CNTN5: variants seen among roughly 807,000 people sequenced by gnomAD.
CNTN5 encodes the protein contactin-5.
A neutral mutation model predicts 129.1 loss-of-function variants in CNTN5; 77 were observed. The observed-to-expected ratio is 0.60, with a 90% CI of 0.50 to 0.72. CNTN5 has a LOEUF of 0.72. Ranked by LOEUF, CNTN5 falls within the 30% of genes least tolerant of loss-of-function variation. The pLI, the probability that CNTN5 is intolerant of heterozygous loss-of-function variation, is 0.00. For missense variants in CNTN5, 1,478 were observed against 1,328.8 expected (o/e 1.11, Z -1.75); for synonymous variants, 509 against 465.6 (o/e 1.09, Z -1.20).
At chr11:99,355,745 TAGAC>T (rs1283951965) in intron 2 of CNTN5, among the ~76,000 whole-genome samples, 1 of 152,086 alleles carries the variant, frequency 6.6e-6, no homozygotes, top group Admixed American at 6.6e-5. Flanking sequence ...AAGTCCTTTT[TAGAC>T]AGCCTATAAT....
intron 1 of CNTN5, among the ~76,000 whole-genome samples, chr11:99,222,423 A>T (rs1346218578): frequency 6.6e-6 from 1 of 151,912 alleles, no homozygotes; most frequent in Admixed American, 6.6e-5. Context: ...AGTGTCAAAA[A>T]ACTCACTAAA....
At chr11:99,688,239 G>T (rs570334346) in intron 3 of CNTN5, among the ~76,000 whole-genome samples, 1 of 152,254 alleles carries the variant, frequency 6.6e-6, no homozygotes, top group African/African-American at 2.4e-5. Context: ...ACAGCATCTT[G>T]CTATGTTGCC....
intron 8 of CNTN5, among the ~76,000 whole-genome samples, chr11:99,969,680 T>C (rs191512203): frequency 3.2e-4 from 48 of 152,256 alleles, no homozygotes; most frequent in African/African-American, 1.1e-3. Flanking sequence ...AAATATTTTC[T>C]TTTCATCTTT....
chr11:99,473,720 C>A (rs915475847), intron 2 of CNTN5, among the ~76,000 whole-genome samples: 1 of 151,860 alleles, frequency 6.6e-6, no homozygotes, highest in Admixed American at 6.6e-5. Context: ...AAGCACATTT[C>A]AATTTAAACT....
intron 7 of CNTN5, among the ~76,000 whole-genome samples, chr11:99,948,265 C>G (rs984059870): frequency 2.0e-5 from 3 of 152,164 alleles, no homozygotes; most frequent in Non-Finnish European, 2.9e-5. Context: ...TTGTTTGTAA[C>G]TGTGCAATAA....
chr11:100,262,027 G>A (rs576349900), intron 17 of CNTN5, among the ~76,000 whole-genome samples: 110 of 152,114 alleles, frequency 7.2e-4, no homozygotes, highest in African/African-American at 1.9e-3. Context: ...CAGAATGGGA[G>A]AAAATGTTTG....
intron 3 of CNTN5, among the ~76,000 whole-genome samples, chr11:99,819,249 T>G (rs1364583394): frequency 7.0e-6 from 1 of 141,944 alleles, no homozygotes; most frequent in Non-Finnish European, 1.5e-5. Context: ...TCTACTTGCT[T>G]TCTTCCTTCC....
At chr11:99,099,799 C>CG (rs1047456105) in intron 1 of CNTN5, among the ~76,000 whole-genome samples, 46 of 152,162 alleles carry the variant, frequency 3.0e-4, no homozygotes, top group African/African-American at 1.1e-3. Flanking sequence ...TAAATCACTT[C>CG]GAAAAAACTG....
intron 7 of CNTN5, among the ~76,000 whole-genome samples, chr11:99,926,081 T>C (rs142555545): frequency 6.6e-6 from 1 of 152,320 alleles, no homozygotes; most frequent in Non-Finnish European, 1.5e-5. Flanking sequence ...AGGTAGTTTA[T>C]GTAAGATAAT....
At chr11:100,210,776 T>G (rs978855536) in intron 15 of CNTN5, among the ~76,000 whole-genome samples, 1 of 152,184 alleles carries the variant, frequency 6.6e-6, no homozygotes, top group East Asian at 1.9e-4. Flanking sequence ...CAAGAAACCT[T>G]TCAAGAATGT....
intron 3 of CNTN5, among the ~76,000 whole-genome samples, chr11:99,680,548 C>A (rs2134711145): frequency 6.6e-6 from 1 of 151,708 alleles, no homozygotes; most frequent in Non-Finnish European, 1.5e-5. Flanking sequence ...GAAAAAAAGA[C>A]TCATTTCAAA....
chr11:99,822,206 A>G (rs2135567846), intron 4 of CNTN5, among the ~76,000 whole-genome samples: 1 of 152,332 alleles, frequency 6.6e-6, no homozygotes, highest in African/African-American at 2.4e-5. Flanking sequence ...TTTTTATGAA[A>G]AATATAAAGA....
intron 3 of CNTN5, among the ~76,000 whole-genome samples, chr11:99,688,698 C>T (rs888834420): frequency 6.6e-6 from 1 of 152,018 alleles, no homozygotes; most frequent in African/African-American, 2.4e-5. Context: ...CACAGTCATC[C>T]CATCACCGAG....
intron 1 of CNTN5, among the ~76,000 whole-genome samples, chr11:99,037,145 C>G (rs1024113488): frequency 2.6e-5 from 4 of 152,134 alleles, no homozygotes; most frequent in South Asian, 2.1e-4. Context: ...GATAAATGAG[C>G]CTGTTTTCTC....
intron 1 of CNTN5, among the ~76,000 whole-genome samples, chr11:99,277,877 G>T (rs1344933349): frequency 3.3e-5 from 5 of 151,602 alleles, no homozygotes; most frequent in Non-Finnish European, 7.4e-5. Flanking sequence ...CCAAGACAGG[G>T]TTTACAAAAT....
chr11:99,660,406 TGTG>T (rs888468897), intron 3 of CNTN5, among the ~76,000 whole-genome samples: 1 of 152,142 alleles, frequency 6.6e-6, no homozygotes, highest in Non-Finnish European at 1.5e-5. Flanking sequence ...TCCTCTATAT[TGTG>T]GTGATGGTTT....
chr11:99,735,130 T>A (rs1017931688), intron 3 of CNTN5, among the ~76,000 whole-genome samples: 17 of 152,366 alleles, frequency 1.1e-4, no homozygotes, highest in African/African-American at 4.1e-4. Flanking sequence ...TACTATGTAC[T>A]AGGCATTGTT....
At chr11:99,950,224 A>T (rs988725511) in intron 7 of CNTN5, among the ~76,000 whole-genome samples, 2 of 152,170 alleles carry the variant, frequency 1.3e-5, no homozygotes, top group Non-Finnish European at 2.9e-5. Context: ...CACGCCTGTA[A>T]TCCCAGCATT....
At chr11:99,042,407 C>T in intron 1 of CNTN5, among the ~76,000 whole-genome samples, 1 of 117,806 alleles carries the variant, frequency 8.5e-6, no homozygotes, top group East Asian at 2.9e-4. Context: ...CAGAGTCTCT[C>T]TCTGTCACCC....
Sources: gnomAD v4.1 joint callset for allele counts (sites outside exome capture counted in the v4.1 genomes callset) on GRCh38, gnomAD v4.1.1 for gene constraint, MANE v1.5 for transcripts, NCBI Gene and HGNC (gene_info 2026-07-23, HGNC 2026-07-21) for gene names.